Variants in INPP4B observed in about 807,000 individuals in gnomAD.
INPP4B encodes the protein inositol polyphosphate 4-phosphatase type II.
A neutral mutation model predicts 122.5 loss-of-function variants in INPP4B; 55 were observed. That is an observed-to-expected ratio of 0.45 (90% CI 0.36 to 0.56). INPP4B has a LOEUF of 0.56. Among genes scored for constraint, INPP4B ranks in the 20% least tolerant of loss-of-function variants. INPP4B has a pLI of 0.00. For missense variants in INPP4B, 1,000 were observed against 1,097.7 expected (o/e 0.91, Z 1.26); for synonymous variants, 403 against 388.7 (o/e 1.04, Z -0.43).
chr4:142,203,461 T>C (rs1841509540), intron 14 of INPP4B, among the ~76,000 whole-genome samples: 1 of 152,038 alleles, frequency 6.6e-6, no homozygotes, highest in African/African-American at 2.4e-5. Flanking sequence ...TCACAACTGA[T>C]GTGCTGTGAA....
intron 2 of INPP4B, among the ~76,000 whole-genome samples, chr4:142,520,454 C>T (rs1825942309): frequency 6.6e-6 from 1 of 151,918 alleles, no homozygotes; most frequent in African/African-American, 2.4e-5. Context: ...CTGACATTAA[C>T]TTGGCTAAGG....
At chr4:142,265,987 T>C (rs934969884) in intron 10 of INPP4B, among the ~76,000 whole-genome samples, 2 of 152,172 alleles carry the variant, frequency 1.3e-5, no homozygotes, top group African/African-American at 4.8e-5. Flanking sequence ...AGTGGAAAAG[T>C]GGCTGGTAAT....
intron 1 of INPP4B, among the ~76,000 whole-genome samples, chr4:142,759,610 C>T (rs983644640): frequency 6.6e-6 from 1 of 151,898 alleles, no homozygotes; most frequent in African/African-American, 2.4e-5. Flanking sequence ...GTATGTGTCT[C>T]ATTTCTGCTA....
At chr4:142,530,749 A>G (rs1162526636) in intron 2 of INPP4B, among the ~76,000 whole-genome samples, 1 of 152,034 alleles carries the variant, frequency 6.6e-6, no homozygotes, top group Non-Finnish European at 1.5e-5. Flanking sequence ...ACAAATCAAA[A>G]TATCTGGAGG....
chr4:142,385,900 T>A (rs1795812924), intron 7 of INPP4B, among the ~76,000 whole-genome samples: 2 of 152,190 alleles, frequency 1.3e-5, no homozygotes, highest in South Asian at 2.1e-4. Flanking sequence ...TAGTTGTTAC[T>A]TTTTTGTGGT....
intron 2 of INPP4B, among the ~76,000 whole-genome samples, chr4:142,608,011 C>A (rs938227159): frequency 6.6e-6 from 1 of 152,178 alleles, no homozygotes; most frequent in Non-Finnish European, 1.5e-5. Flanking sequence ...TTCGCAGGCA[C>A]TCTGCCACCC....
At chr4:142,346,205 TAAC>T (rs1780281591) in intron 7 of INPP4B, among the ~76,000 whole-genome samples, 1 of 152,056 alleles carries the variant, frequency 6.6e-6, no homozygotes, top group Admixed American at 6.6e-5. Context: ...ACTAAAACAT[TAAC>T]AACACATTCT....
chr4:142,154,721 TTC>T (rs1561310232), intron 17 of INPP4B, among the ~76,000 whole-genome samples: 7 of 152,114 alleles, frequency 4.6e-5, no homozygotes, highest in Admixed American at 3.3e-4. Flanking sequence ...AGTTGAAATA[TTC>T]TCTGTTTCAA....
At chr4:142,545,787 ATATG>A (rs1202211526) in intron 2 of INPP4B, among the ~76,000 whole-genome samples, 7 of 105,560 alleles carry the variant, frequency 6.6e-5, no homozygotes, top group African/African-American at 2.2e-4. Context: ...ATACACATAT[ATATG>A]TGTGTATATA....
At position 142,168,141 on chromosome 4, in the gene INPP4B, C is replaced by A. The variant is rs145122291; in HGVS notation, c.1359+5491G>T. Among the ~76,000 whole-genome samples the A allele has an allele frequency of 6.3e-3, 949 of 151,480 alleles. 4 individuals carry two copies. Among genetic ancestry groups the A allele is most frequent in the Middle Eastern group, 0.01 (3 of 294 alleles). The stretch of plus-strand genomic sequence containing the variant: ...ATGTTCTATCTCTGTTTTTCAGCAA[C>A]TTGATTATGATGTACTTGAGTTTAT... On this transcript the variant is annotated intron_variant, in intron 16 of 25. Transcript: ENST00000262992.
chr4:142,565,848 C>T (rs1467994573), intron 2 of INPP4B, among the ~76,000 whole-genome samples: 2 of 152,124 alleles, frequency 1.3e-5, no homozygotes, highest in African/African-American at 4.8e-5. Context: ...GATAAGGTCA[C>T]AACCTCACTT....
chr4:142,838,131 A>G (rs552247785), intron 1 of INPP4B, among the ~76,000 whole-genome samples: 17 of 152,120 alleles, frequency 1.1e-4, no homozygotes, highest in Admixed American at 4.6e-4. Flanking sequence ...AATTGAATTG[A>G]ACTATAGAAT....
chr4:142,128,891 A>G (rs1451330541), intron 18 of INPP4B, among the ~76,000 whole-genome samples: 2 of 152,174 alleles, frequency 1.3e-5, no homozygotes, highest in Non-Finnish European at 2.9e-5. Flanking sequence ...AATATCAACC[A>G]ACTGTAGCAG....
At chr4:142,272,744 G>A (rs555093866) in intron 9 of INPP4B, among the ~76,000 whole-genome samples, 7 of 152,036 alleles carry the variant, frequency 4.6e-5, no homozygotes, top group Admixed American at 1.3e-4. Context: ...GTACTTAGTA[G>A]TTAAATAAAG....
intron 2 of INPP4B, among the ~76,000 whole-genome samples, chr4:142,480,137 T>G (rs922894149): frequency 1.3e-5 from 2 of 152,164 alleles, no homozygotes; most frequent in African/African-American, 2.4e-5. Flanking sequence ...TGCAAAGACA[T>G]AAATGACTGC....
intron 2 of INPP4B, among the ~76,000 whole-genome samples, chr4:142,620,929 T>C (rs1463100474): frequency 6.6e-6 from 1 of 151,976 alleles, no homozygotes; most frequent in Non-Finnish European, 1.5e-5. Flanking sequence ...TTGGTGGTTA[T>C]ACAAGTCTAT....
intron 2 of INPP4B, among the ~76,000 whole-genome samples, chr4:142,685,563 C>A (rs1759228387): frequency 6.6e-6 from 1 of 152,028 alleles, no homozygotes; most frequent in South Asian, 2.1e-4. Context: ...AACAAAGCCA[C>A]CTTTAAATTT....
intron 9 of INPP4B, among the ~76,000 whole-genome samples, chr4:142,280,108 A>C (rs1241009401): frequency 1.3e-5 from 2 of 151,852 alleles, no homozygotes; most frequent in Non-Finnish European, 2.9e-5. Context: ...TGAAACTCTC[A>C]TACATCTCTG....
In INPP4B at chr4:142,564,594, G is replaced by A. The variant is rs1185933343; in HGVS notation, c.-190-101868C>T. On this transcript the variant is annotated intron_variant, in intron 2 of 25. Coordinates refer to ENST00000262992, the MANE Select transcript of INPP4B (RefSeq NM_001101669.3). ...TAGGCCAGTAGTCCTCAAACAGTAG[G>A]GTACATGAAAATGATCTGAATAGAA... 2.0e-5 allele frequency among the ~76,000 whole-genome samples: 3 copies of A among 151,972 alleles called. No individual in the cohort carries two copies. In the East Asian group the frequency reaches 5.8e-4, roughly 29 times the overall value.
Sources: gnomAD v4.1 joint callset for allele counts (sites outside exome capture counted in the v4.1 genomes callset) on GRCh38, gnomAD v4.1.1 for gene constraint, MANE v1.5 for transcripts, NCBI Gene and HGNC (gene_info 2026-07-23, HGNC 2026-07-21) for gene names.